The following NMNAT2 variants were observed in gnomAD, a reference collection of about 807,000 sequenced individuals.
NMNAT2 encodes the protein nicotinamide/nicotinic acid mononucleotide adenylyltransferase 2.
A neutral mutation model predicts 41.6 loss-of-function variants in NMNAT2; 11 were observed. That is an observed-to-expected ratio of 0.26 (90% confidence interval 0.17 to 0.44). The LOEUF (loss-of-function observed/expected upper bound fraction) is 0.44. NMNAT2 is among the 20% of genes least tolerant of loss of function. NMNAT2 has a pLI of 1.00. For synonymous variants in NMNAT2, 148 were observed against 151.2 expected (o/e 0.98, Z 0.16); for missense variants, 288 against 407.7 (o/e 0.71, Z 2.53).
intron 8 of NMNAT2, among the ~76,000 whole-genome samples, chr1:183,268,522 C>G (rs1660879758): frequency 1.3e-5 from 2 of 152,260 alleles, no homozygotes; most frequent in Non-Finnish European, 2.9e-5. Flanking sequence ...GGGTAACTGG[C>G]AAAAGTTTGG....
At chr1:183,319,184 A>T (rs2102329192) in intron 1 of NMNAT2, among the ~76,000 whole-genome samples, 1 of 152,146 alleles carries the variant, frequency 6.6e-6, no homozygotes, top group African/African-American at 2.4e-5. Flanking sequence ...GGCTCAGTTG[A>T]CTCACCCCAA....
chr1:183,262,763 G>A (rs1660695836), intron 8 of NMNAT2, among the ~76,000 whole-genome samples: 1 of 152,238 alleles, frequency 6.6e-6, no homozygotes, highest in African/African-American at 2.4e-5. Flanking sequence ...TAAAGAGCCT[G>A]AAAGTTACGG....
chr1:183,309,550 C>G (rs1662063375), intron 1 of NMNAT2, among the ~76,000 whole-genome samples: 1 of 152,142 alleles, frequency 6.6e-6, no homozygotes, highest in East Asian at 1.9e-4. Context: ...GTAAAAAGGC[C>G]TACAGTAAGT....
intron 1 of NMNAT2, among the ~76,000 whole-genome samples, chr1:183,389,746 A>C (rs1426012709): frequency 5.5e-4 from 5 of 9,046 alleles, no homozygotes; most frequent in African/African-American, 1.9e-3. Context: ...AAAAGAAAGA[A>C]AGAAAGAAAG....
chr1:183,300,708 A>G (rs573673807), intron 1 of NMNAT2, among the ~76,000 whole-genome samples: 2 of 152,344 alleles, frequency 1.3e-5, no homozygotes, highest in Admixed American at 6.5e-5. Context: ...TGAAATGTTC[A>G]TGATAAATTA....
At chr1:183,343,814 T>TA (rs1462606469) in intron 1 of NMNAT2, among the ~76,000 whole-genome samples, 1 of 152,150 alleles carries the variant, frequency 6.6e-6, no homozygotes, top group Non-Finnish European at 1.5e-5. Flanking sequence ...CTCCACAACT[T>TA]ACGGTACAAA....
At chr1:183,298,066 G>C (rs1214735513) in intron 1 of NMNAT2, among the ~76,000 whole-genome samples, 6 of 152,166 alleles carry the variant, frequency 3.9e-5, no homozygotes, top group Non-Finnish European at 8.8e-5. Flanking sequence ...ACTTGACAAA[G>C]AGCATCTGCA....
rs1184301993 is a variant in NMNAT2, at chr1:183,262,826, A to G, written c.652-1523T>C. ...GCATATTACTGTTTAGATCTTGCCA[A>G]TTACGGATCCCAGATGGGGGAAGAG... On this transcript the variant is annotated intron_variant, in intron 8 of 10. Transcript: ENST00000287713. Among the ~76,000 whole-genome samples, 8 of 152,218 alleles carry G rather than the reference A, an allele frequency of 5.3e-5. No homozygotes were observed. The East Asian group carries it at 1.2e-3, about 22-fold the overall frequency.
chr1:183,409,568 C>T (rs911577687), intron 1 of NMNAT2, among the ~76,000 whole-genome samples: 3 of 152,142 alleles, frequency 2.0e-5, no homozygotes, highest in African/African-American at 4.8e-5. Flanking sequence ...CCTCCCACCT[C>T]GGCCTCCCAA....
chr1:183,373,535 C>A (rs548565113), intron 1 of NMNAT2, among the ~76,000 whole-genome samples: 112 of 152,190 alleles, frequency 7.4e-4, no homozygotes, highest in Middle Eastern at 3.4e-3. Context: ...CATGGAGTCA[C>A]CAAGGAAAAA....
intron 1 of NMNAT2, among the ~76,000 whole-genome samples, chr1:183,355,171 T>C (rs1353739928): frequency 2.0e-5 from 3 of 152,168 alleles, no homozygotes; most frequent in African/African-American, 7.2e-5. Flanking sequence ...TCTCACCTAT[T>C]CATCCTTCAA....
chr1:183,277,307 A>T (rs888280247), intron 8 of NMNAT2, among the ~76,000 whole-genome samples: 1 of 152,078 alleles, frequency 6.6e-6, no homozygotes, highest in Non-Finnish European at 1.5e-5. Flanking sequence ...ACATGGCAAA[A>T]TTCTGTCTCT....
chr1:183,385,658 CTT>C (rs1648222050), intron 1 of NMNAT2, among the ~76,000 whole-genome samples: 1 of 151,946 alleles, frequency 6.6e-6, no homozygotes, highest in Non-Finnish European at 1.5e-5. Flanking sequence ...CCTGTCCTCA[CTT>C]CATCACCTCA....
intron 1 of NMNAT2, among the ~76,000 whole-genome samples, chr1:183,415,961 G>C (rs1280604119): frequency 6.6e-6 from 1 of 151,962 alleles, no homozygotes; most frequent in Non-Finnish European, 1.5e-5. Context: ...TACTTTAATG[G>C]ACATGCAAAG....
chr1:183,374,543 C>G (rs534277059), intron 1 of NMNAT2, among the ~76,000 whole-genome samples: 1 of 152,322 alleles, frequency 6.6e-6, no homozygotes, highest in African/African-American at 2.4e-5. Flanking sequence ...AATAAATGCT[C>G]AGATGCTGAC....
Position 183,410,339 on chromosome 1 carries a change from TA to T in NMNAT2, c.85+7843del, listed in dbSNP as rs1410815317. Among the ~76,000 whole-genome samples, 6 of 147,482 alleles carry T rather than the reference TA, an allele frequency of 4.1e-5. No homozygotes were observed. In the East Asian group the frequency reaches 1.2e-3, roughly 29 times the overall value. On this transcript the variant is annotated intron_variant, in intron 1 of 10. Coordinates refer to ENST00000287713, the MANE Select transcript of NMNAT2 (RefSeq NM_015039.4). Reference sequence around the variant, plus strand: ...CTCCATCTCAAAAAATAAAAATAAATAAAAAATAAATAAATAAAATCATGAA... The same window carrying T: ...CTCCATCTCAAAAAATAAAAATAAATAAAAATAAATAAATAAAATCATGAA...
At chr1:183,268,587 GT>G (rs1660881637) in intron 8 of NMNAT2, among the ~76,000 whole-genome samples, 4 of 152,306 alleles carry the variant, frequency 2.6e-5, no homozygotes, top group Admixed American at 2.6e-4. Flanking sequence ...CTCCAACCAA[GT>G]TGTTCTCAAG....
intron 1 of NMNAT2, among the ~76,000 whole-genome samples, chr1:183,413,369 T>TG (rs35205861): frequency 0.034 from 5,233 of 152,076 alleles, 220 homozygotes; most frequent in African/African-American, 0.11. Context: ...ACAGGCACCA[T>TG]GTCCTCCTGT....
At chr1:183,365,625 G>A (rs1663397198) in intron 1 of NMNAT2, among the ~76,000 whole-genome samples, 1 of 152,020 alleles carries the variant, frequency 6.6e-6, no homozygotes, top group Admixed American at 6.5e-5. Flanking sequence ...AGGCATGGTG[G>A]CGTGCACCTA....
Sources: gnomAD v4.1 joint callset for allele counts (sites outside exome capture counted in the v4.1 genomes callset) on GRCh38, gnomAD v4.1.1 for gene constraint, MANE v1.5 for transcripts, NCBI Gene and HGNC (gene_info 2026-07-23, HGNC 2026-07-21) for gene names.